The following TMEM123 variants were observed in gnomAD, a reference collection of about 807,000 sequenced individuals.
TMEM123 encodes porimin.
Under a neutral mutation model 19.7 loss-of-function variants are expected in TMEM123, and 16 were observed. The ratio of observed to expected loss-of-function variants is 0.81; its 90% confidence interval spans 0.55 to 1.23. TMEM123 has a LOEUF of 1.23. Ranked by LOEUF, TMEM123 falls within the 50% of genes most tolerant of loss-of-function variation. The pLI is 0.00. For synonymous variants in TMEM123, 118 were observed against 99.4 expected, an observed-to-expected ratio of 1.19 and a Z score of -1.12; for missense variants, 313 against 257.8, an observed-to-expected ratio of 1.21 and a Z score of -1.47.
Position 102,452,610 on chromosome 11 carries a change from G to A in TMEM123, c.14C>T (p.Ala5Val). The change falls in exon 1 of 5, where the codon GCG becomes GTG. Residue 5 changes from alanine to valine, a missense_variant. Ala to Val is a moderately conservative substitution (Grantham distance 64). Transcript: ENST00000398136. MGLG[A>V]RGAWAALLLG... is the part of the protein sequence containing the mutation. ...GAGCAGCGCGGCCCAAGCACCTCGC[G>A]CGCCGAGTCCCATTGTTCCGAGGGC... 1 of 1,556,552 alleles carries A rather than the reference G, an allele frequency of 6.4e-7. No homozygotes were observed. Among genetic ancestry groups the A allele is most frequent in the Non-Finnish European group, 8.7e-7 (1 of 1,154,362 alleles).
intron 2 of TMEM123, among the ~76,000 whole-genome samples, chr11:102,436,197 C>A (rs756197867): frequency 6.6e-5 from 10 of 151,966 alleles, no homozygotes; most frequent in Non-Finnish European, 1.3e-4. Flanking sequence ...GAGTTTCCCA[C>A]TATTGCCCAG....
intron 2 of TMEM123, among the ~76,000 whole-genome samples, chr11:102,422,871 G>C (rs113971933): frequency 0.015 from 2,247 of 152,194 alleles, 63 homozygotes; most frequent in African/African-American, 0.051. Context: ...CCATGAGTCT[G>C]GCATCATGCA....
rs139392943 is a variant in TMEM123, at chr11:102,424,550, G to A, written c.158-22344C>T. ...AAAAAATACAAAAAATTAGCCAGGC[G>A]TGGTGGCGCACACCTGTAGTCCCAG... On this transcript the variant is annotated intron_variant, in intron 2 of 4. Coordinates refer to ENST00000398136, the MANE Select transcript of TMEM123 (RefSeq NM_052932.3). 9.0e-3 allele frequency among the ~76,000 whole-genome samples: 1,377 copies of A among 152,214 alleles called. 74 individuals carry two copies. Among genetic ancestry groups the A allele is most frequent in the Admixed American group, 0.081 (1,240 of 15,278 alleles).
intron 2 of TMEM123, among the ~76,000 whole-genome samples, chr11:102,441,250 A>G (rs1035814756): frequency 3.1e-4 from 47 of 152,360 alleles, no homozygotes; most frequent in Non-Finnish European, 1.2e-4. Context: ...CATTCTTCTC[A>G]GCACCACATC....
At chr11:102,429,938 C>A (rs1857671833) in intron 2 of TMEM123, among the ~76,000 whole-genome samples, 1 of 152,224 alleles carries the variant, frequency 6.6e-6, no homozygotes, top group African/African-American at 2.4e-5. Flanking sequence ...CCAGAAGCAG[C>A]CTGTGCGATG....
intron 2 of TMEM123, among the ~76,000 whole-genome samples, chr11:102,430,145 G>A (rs531350): frequency 6.6e-6 from 1 of 152,124 alleles, no homozygotes; most frequent in African/African-American, 2.4e-5. Flanking sequence ...GACCACAGAA[G>A]ACAACTGTGG....
intron 2 of TMEM123, among the ~76,000 whole-genome samples, chr11:102,419,238 T>G (rs1952064485): frequency 6.6e-6 from 1 of 152,246 alleles, no homozygotes; most frequent in African/African-American, 2.4e-5. Flanking sequence ...AGGTACACGT[T>G]GTACTAAAAA....
chr11:102,400,060 T>A (rs768585907), intron 4 of TMEM123, among the ~76,000 whole-genome samples: 18 of 152,268 alleles, frequency 1.2e-4, no homozygotes, highest in Admixed American at 2.6e-4. Context: ...TATGATGCGA[T>A]GTTTATTTAG....
At chr11:102,403,321 AAAT>A (rs1951928619) in intron 2 of TMEM123, among the ~76,000 whole-genome samples, 1 of 152,148 alleles carries the variant, frequency 6.6e-6, no homozygotes, top group South Asian at 2.1e-4. Flanking sequence ...ATACTCCTTA[AAAT>A]AAACTTCGAT....
chr11:102,401,718 G>T, intron 3 of TMEM123, 26 bp from the exon 4 acceptor site: 1 of 1,559,098 alleles, frequency 6.4e-7, no homozygotes, highest in South Asian at 1.2e-5. Flanking sequence ...ACAAAAAAGG[G>T]CTTTAGCGTT....
intron 2 of TMEM123, among the ~76,000 whole-genome samples, chr11:102,411,313 GAGCGTATCGA>G (rs1478198404): frequency 6.6e-6 from 1 of 152,166 alleles, no homozygotes; most frequent in Admixed American, 6.5e-5. Context: ...TGTTCCCAGA[GAGCGTATCGA>G]AGCTCTGCGC....
At chr11:102,410,033 C>T (rs1951990591) in intron 2 of TMEM123, among the ~76,000 whole-genome samples, 1 of 151,574 alleles carries the variant, frequency 6.6e-6, no homozygotes, top group Admixed American at 6.6e-5. Flanking sequence ...AAGGGAAAAA[C>T]AATTGTATAT....
At chr11:102,429,818 C>T (rs761399323) in intron 2 of TMEM123, among the ~76,000 whole-genome samples, 33 of 152,216 alleles carry the variant, frequency 2.2e-4, no homozygotes, top group Non-Finnish European at 4.3e-4. Context: ...TCACTAAAGC[C>T]TCACAACACC....
chr11:102,451,387 G>A (rs779087594), intron 1 of TMEM123, among the ~76,000 whole-genome samples: 1 of 152,190 alleles, frequency 6.6e-6, no homozygotes, highest in Non-Finnish European at 1.5e-5. Flanking sequence ...TGCGAAGCCA[G>A]TTTGTCACAC....
chr11:102,426,859 T>TCCC (rs57729827), intron 2 of TMEM123, among the ~76,000 whole-genome samples: 360 of 4,140 alleles, frequency 0.087, 104 homozygotes, highest in East Asian at 0.17. Context: ...TTAAAGTAGT[T>TCCC]CCCCCCCCCC....
chr11:102,451,624 T>TAC (rs1360057235), intron 1 of TMEM123, among the ~76,000 whole-genome samples: 2 of 152,228 alleles, frequency 1.3e-5, no homozygotes, highest in Non-Finnish European at 2.9e-5. Context: ...TACTGACCAT[T>TAC]ACCTAGGGAC....
intron 4 of TMEM123, 139 bp from the exon 5 acceptor site, chr11:102,399,030 C>CT: frequency 1.4e-6 from 1 of 725,226 alleles, no homozygotes; most frequent in South Asian, 1.9e-5. Flanking sequence ...TGTAAAGTTC[C>CT]TTAAGTATCC....
intron 2 of TMEM123, among the ~76,000 whole-genome samples, chr11:102,420,674 CA>C (rs1481282504): frequency 2.6e-5 from 4 of 152,160 alleles, no homozygotes; most frequent in African/African-American, 9.7e-5. Context: ...TCACAAGGAG[CA>C]GTATCACAAA....
At position 102,398,648 on chromosome 11, in the gene TMEM123, T is replaced by C. The variant is rs895303232; in HGVS notation, c.*219A>G. 23 of 479,974 alleles carry C rather than the reference T, an allele frequency of 4.8e-5. No homozygotes were observed. The highest frequency in any genetic ancestry group is 7.1e-5 in the Non-Finnish European group (21 of 296,556). The allele number at this position is 479,974 out of a possible 1,614,324, so 29.7% of individuals were successfully genotyped here. ...TCTTACTATGAACTTGCTAAAACCA[T>C]TGTATGAACGGTCTATAAGGATCCA... On this transcript the variant is annotated 3_prime_UTR_variant, in exon 5 of 5. Coordinates refer to ENST00000398136, the MANE Select transcript of TMEM123 (RefSeq NM_052932.3).
Sources: allele counts gnomAD v4.1 joint callset (sites outside exome capture counted in the v4.1 genomes callset), GRCh38; gene constraint gnomAD v4.1.1; transcripts MANE v1.5; gene names NCBI Gene and HGNC (gene_info 2026-07-23, HGNC 2026-07-21).